Variants in SYNE2 observed in about 807,000 individuals in gnomAD.
SYNE2 encodes nesprin-2.
A neutral mutation model predicts 856.3 loss-of-function variants in SYNE2; 431 were observed. The observed-to-expected ratio is 0.50, with a 90% CI of 0.47 to 0.55. The LOEUF is 0.55. Ranked by LOEUF, SYNE2 falls within the 20% of genes least tolerant of loss-of-function variation. The pLI, the probability that SYNE2 is intolerant of heterozygous loss-of-function variation, is 0.00. For missense variants in SYNE2, 8,129 were observed against 8,023.2 expected, an observed-to-expected ratio of 1.01 and a Z score of -0.50; for synonymous variants, 2,923 against 2,872.3, an observed-to-expected ratio of 1.02 and a Z score of -0.56.
intron 1 of SYNE2, among the ~76,000 whole-genome samples, chr14:63,782,788 A>T (rs988191844): frequency 6.6e-6 from 1 of 152,052 alleles, no homozygotes; most frequent in African/African-American, 2.4e-5. Flanking sequence ...ATATTCACAT[A>T]GTATAAAAGT....
intron 31 of SYNE2, among the ~76,000 whole-genome samples, chr14:64,007,971 C>T (rs1463923130): frequency 6.6e-6 from 1 of 152,160 alleles, no homozygotes; most frequent in Non-Finnish European, 1.5e-5. Flanking sequence ...GATAGCACCA[C>T]CGTACTTCAG....
chr14:64,213,087 T>TGGCCGGGCGCG, intron 105 of SYNE2, 82 bp downstream of exon 105: 1 of 1,389,362 alleles, frequency 7.2e-7, no homozygotes, highest in Non-Finnish European at 1.0e-6. Flanking sequence ...TTAGGGGACC[T>TGGCCGGGCGCG]GTCTTATAAT....
intron 59 of SYNE2, 92 bp from the exon 60 acceptor site, chr14:64,090,774 A>G (rs1288874744): frequency 8.5e-7 from 1 of 1,173,562 alleles, no homozygotes; most frequent in African/African-American, 1.6e-5. Context: ...GCAAACTATA[A>G]AAACTATACT....
In SYNE2 at chr14:64,158,649, C is replaced by G. The variant is rs754012193; in HGVS notation, c.15817C>G (p.Gln5273Glu). The part of the protein sequence containing the change: ...TQVNQLKTSM[Q>E]SVLQEWKIYD... ...GGTCAATCAGCTCAAAACCTCCATGCAGTCAGTTTTACAGGAGTGGAAGAT... is the reference window on the plus strand; with the variant it reads ...GGTCAATCAGCTCAAAACCTCCATGGAGTCAGTTTTACAGGAGTGGAAGAT... Residue 5273 changes from glutamine to glutamate, a missense_variant, in exon 86 of 116, where the codon CAG (glutamine) becomes GAG (glutamate). By Grantham distance (29) the Gln-to-Glu change is conservative. This residue lies in a region of SYNE2 where 5,410 missense variants were observed against 5,284.8 expected (regional missense o/e 1.02). Coordinates refer to ENST00000555002, the MANE Select transcript of SYNE2 (RefSeq NM_182914.3). The G allele has an allele frequency of 6.2e-7, 1 of 1,613,826 alleles. No homozygotes were observed. The highest frequency in any genetic ancestry group is 8.5e-7 in the Non-Finnish European group (1 of 1,179,900).
rs1425563802 is a variant in SYNE2, at chr14:64,062,830, G to A, written c.10147G>A (p.Gly3383Arg). The A allele has an allele frequency of 3.7e-6, 6 of 1,614,098 alleles. No homozygotes were observed. The Admixed American group carries it at 8.3e-5, about 22-fold the overall frequency. ...TNLSKMETVL[G>R]QSMSSLPLSY... ...CCTCAGCAAAATGGAGACAGTTCTT[G>A]GACAGTCCATGTCCTCGTTGCCACT... The change falls in exon 50 of 116, where the codon GGA becomes AGA. Residue 3383 changes from glycine (G) to arginine (R), a missense_variant. This residue lies in a region of SYNE2 where 5,410 missense variants were observed against 5,284.8 expected (regional missense o/e 1.02). Transcript: ENST00000555002.
intron 2 of SYNE2, among the ~76,000 whole-genome samples, chr14:63,917,760 G>A (rs755695442): frequency 6.6e-6 from 1 of 152,108 alleles, no homozygotes; most frequent in Non-Finnish European, 1.5e-5. Flanking sequence ...ATGAGTCACC[G>A]CACCTGGCCT....
intron 105 of SYNE2, 54 bp from the exon 106 acceptor site, chr14:64,214,140 A>C: frequency 6.2e-7 from 1 of 1,613,884 alleles, no homozygotes; most frequent in Non-Finnish European, 8.5e-7. Context: ...ATGCTCTTCT[A>C]ATTGCAGAAG....
intron 27 of SYNE2, among the ~76,000 whole-genome samples, chr14:63,999,560 T>C (rs1423841901): frequency 6.6e-6 from 1 of 152,180 alleles, no homozygotes; most frequent in Non-Finnish European, 1.5e-5. Context: ...TGATGGATTC[T>C]CCTCCTAAAA....
At chr14:64,026,816 G>A (rs1207420720) in intron 42 of SYNE2, 86 bp downstream of exon 42, 1 of 1,474,966 alleles carries the variant, frequency 6.8e-7, no homozygotes, top group East Asian at 2.5e-5. Context: ...CCCTGGGTTT[G>A]GATATAATAT....
intron 48 of SYNE2, among the ~76,000 whole-genome samples, chr14:64,054,963 T>A (rs1224087645): frequency 6.6e-6 from 1 of 152,220 alleles, no homozygotes; most frequent in Admixed American, 6.5e-5. Context: ...AATGAGTAAT[T>A]TGAGTATTTC....
At chr14:63,877,429 G>A (rs2094750272) in intron 1 of SYNE2, among the ~76,000 whole-genome samples, 1 of 152,176 alleles carries the variant, frequency 6.6e-6, no homozygotes, top group South Asian at 2.1e-4. Context: ...GTACCAACAG[G>A]AGATTTCTGA....
chr14:63,928,589 C>A (rs2095702532), intron 2 of SYNE2, among the ~76,000 whole-genome samples: 1 of 152,182 alleles, frequency 6.6e-6, no homozygotes, highest in Non-Finnish European at 1.5e-5. Context: ...AAGTAACAGG[C>A]TTTTTCCTGT....
intron 85 of SYNE2, among the ~76,000 whole-genome samples, chr14:64,155,497 A>T (rs1397320105): frequency 6.6e-6 from 1 of 152,036 alleles, no homozygotes; most frequent in African/African-American, 2.4e-5. Context: ...AGTCATGAAA[A>T]TGTTCTAAAA....
intron 88 of SYNE2, chr14:64,162,535 T>A (rs527937898): frequency 2.0e-6 from 1 of 508,650 alleles, no homozygotes; most frequent in Non-Finnish European, 3.6e-6. Context: ...TAGTGTTACA[T>A]CTCTAAGGCA....
chr14:64,155,742 C>CAG (rs1303444312), intron 85 of SYNE2, among the ~76,000 whole-genome samples: 4 of 152,098 alleles, frequency 2.6e-5, no homozygotes. Flanking sequence ...GCCTGTGCAA[C>CAG]AGAGTGAGAT....
chr14:63,835,259 A>G (rs1381355137), intron 1 of SYNE2, among the ~76,000 whole-genome samples: 1 of 151,936 alleles, frequency 6.6e-6, no homozygotes, highest in Admixed American at 6.6e-5. Flanking sequence ...TTTTTGAGGC[A>G]GTTTCTCCCT....
intron 52 of SYNE2, among the ~76,000 whole-genome samples, chr14:64,072,885 A>G (rs1595327976): frequency 6.6e-6 from 1 of 152,250 alleles, no homozygotes; most frequent in African/African-American, 2.4e-5. Flanking sequence ...AGTGGCTCAC[A>G]GAACTCAAGA....
Position 64,052,383 on chromosome 14 carries a change from C to T in SYNE2, c.8470C>T (p.Gln2824Ter), listed in dbSNP as rs777269889. The T allele has an allele frequency of 6.2e-7, 1 of 1,614,046 alleles. No homozygotes were observed. The highest frequency in any genetic ancestry group is 1.1e-5 in the South Asian group (1 of 91,038). ...CCAAATGCTGGTTTTAAAATCAACT[C>T]AAAGATCACAGCAATTAGAATTTAA... Reference protein sequence around the residue: ...QYQMLVLKSTQRSQQLEFKLE... With the variant: ...QYQMLVLKST Residue 2824 changes from glutamine to a stop codon, truncating the protein, a stop_gained, in exon 48 of 116, where the codon CAA becomes TAA. Transcript: ENST00000555002. LOFTEE classifies it high-confidence loss of function.
rs1004675842 is a variant in SYNE2 at position 64,079,073 on chromosome 14, A to G, written c.11163+467A>G. Among the ~76,000 whole-genome samples, 80 of 152,290 alleles carry G rather than the reference A, an allele frequency of 5.3e-4. 1 individual carries two copies. The highest frequency in any genetic ancestry group is 3.9e-4 in the East Asian group (2 of 5,190). On this transcript the variant is annotated intron_variant, in intron 55 of 115. Coordinates refer to ENST00000555002, the MANE Select transcript of SYNE2 (RefSeq NM_182914.3). ...GGTGACAGAGTGAGACTCTGTCTCA[A>G]AAAAATAATTCTGTTTTTCCATGGT...
Sources: gnomAD v4.1 joint callset for allele counts (sites outside exome capture counted in the v4.1 genomes callset) on GRCh38, gnomAD v4.1.1 for gene constraint, gnomAD v4.1.1 regional missense constraint, MANE v1.5 for transcripts, NCBI Gene and HGNC (gene_info 2026-07-23, HGNC 2026-07-21) for gene names.